Variants in DOCK4 observed in about 807,000 individuals in gnomAD.
The protein encoded by DOCK4 is dedicator of cytokinesis protein 4.
Under a neutral mutation model 268.1 loss-of-function variants are expected in DOCK4, and 97 were observed. That is an observed-to-expected ratio of 0.36 (90% CI 0.31 to 0.43). DOCK4 has a LOEUF of 0.43. DOCK4 is among the 20% of genes least tolerant of loss of function. The pLI is 1.00. For missense variants in DOCK4, 2,145 were observed against 2,455.7 expected, an observed-to-expected ratio of 0.87 and a Z score of 2.67; for synonymous variants, 954 against 887.2, an observed-to-expected ratio of 1.08 and a Z score of -1.34.
intron 37 of DOCK4, among the ~76,000 whole-genome samples, chr7:111,768,516 T>C (rs911212963): frequency 2.6e-5 from 4 of 152,324 alleles, no homozygotes; most frequent in African/African-American, 7.2e-5. Flanking sequence ...GAAGATAAAT[T>C]TGAGTCTAAG....
At chr7:111,865,755 T>G (rs895889240) in intron 22 of DOCK4, among the ~76,000 whole-genome samples, 2 of 152,224 alleles carry the variant, frequency 1.3e-5, no homozygotes, top group African/African-American at 4.8e-5. Context: ...GCAGGAGAAG[T>G]AGTCAGAGAG....
chr7:112,009,892 C>T (rs1447616041), intron 1 of DOCK4, among the ~76,000 whole-genome samples: 2 of 152,244 alleles, frequency 1.3e-5, no homozygotes, highest in Non-Finnish European at 1.5e-5. Flanking sequence ...ACTCAGCTCA[C>T]TGAAACCTCC....
At chr7:111,798,500 T>A (rs1273851184) in intron 30 of DOCK4, among the ~76,000 whole-genome samples, 2 of 152,246 alleles carry the variant, frequency 1.3e-5, no homozygotes, top group South Asian at 4.1e-4. Context: ...TCAACCTTGG[T>A]TGCAGTTAAA....
chr7:112,147,618 A>G (rs1424764846), intron 1 of DOCK4, among the ~76,000 whole-genome samples: 1 of 152,096 alleles, frequency 6.6e-6, no homozygotes, highest in Non-Finnish European at 1.5e-5. Context: ...TGTGTTCAGT[A>G]TAAAATCTAG....
At chr7:111,755,652 T>C (rs1439511827) in intron 41 of DOCK4, 51 bp from the exon 42 acceptor site, 1 of 1,531,302 alleles carries the variant, frequency 6.5e-7, no homozygotes, top group Non-Finnish European at 9.0e-7. Flanking sequence ...TCTTTCTAGC[T>C]ACTTCCATGA....
At chr7:112,004,650 T>C (rs1377564848) in intron 1 of DOCK4, among the ~76,000 whole-genome samples, 1 of 152,188 alleles carries the variant, frequency 6.6e-6, no homozygotes, top group Non-Finnish European at 1.5e-5. Flanking sequence ...TTGCTTACCA[T>C]TACGTGCCCA....
At chr7:111,772,092 G>C (rs1236655264) in intron 36 of DOCK4, among the ~76,000 whole-genome samples, 1 of 152,214 alleles carries the variant, frequency 6.6e-6, no homozygotes. Flanking sequence ...GTTGTTGCCA[G>C]GGGTAAGAGG....
rs192414820 is a variant in DOCK4, at chr7:111,989,291, C to T, written c.316-128G>A. On this transcript the variant is annotated intron_variant, in intron 5 of 52. Transcript: ENST00000428084. ...GTGCTTGCCACTCTGGACAGATGTC[C>T]GTGAACAGACAAACTGTTCGCTCAC... 2.5e-4 allele frequency: 302 copies of T among 1,228,344 alleles called. 1 individual carries two copies. The Middle Eastern group carries it at 2.5e-3, about 10-fold the overall frequency. The allele number at this position is 1,228,344 out of a possible 1,614,324, so 76.1% of individuals were successfully genotyped here.
At chr7:111,988,964 C>A in intron 6 of DOCK4, 51 bp downstream of exon 6, 1 of 1,563,930 alleles carries the variant, frequency 6.4e-7, no homozygotes. Context: ...GCCTATGTCA[C>A]TTCCATTGTG....
chr7:111,995,433 G>GTGTGTGTGTT (rs1554406554), intron 4 of DOCK4, among the ~76,000 whole-genome samples: 19 of 90,492 alleles, frequency 2.1e-4, no homozygotes, highest in African/African-American at 1.0e-3. Context: ...GTGTGTGTGT[G>GTGTGTGTGTT]TGTGTGTGTG....
At chr7:111,896,049 A>G (rs1437592480) in intron 15 of DOCK4, among the ~76,000 whole-genome samples, 1 of 152,204 alleles carries the variant, frequency 6.6e-6, no homozygotes, top group East Asian at 1.9e-4. Flanking sequence ...TATTGTTTCA[A>G]AGAGTGCTAG....
At chr7:112,113,551 G>T (rs1221182562) in intron 1 of DOCK4, among the ~76,000 whole-genome samples, 2 of 151,708 alleles carry the variant, frequency 1.3e-5, no homozygotes, top group Non-Finnish European at 2.9e-5. Flanking sequence ...ATTCAATAAA[G>T]AATTTTTTAA....
intron 32 of DOCK4, among the ~76,000 whole-genome samples, chr7:111,786,449 C>A (rs1799172529): frequency 1.3e-5 from 2 of 152,098 alleles, no homozygotes; most frequent in Admixed American, 6.5e-5. Flanking sequence ...TCTAGAATTT[C>A]AGTGTTATCA....
chr7:111,760,077 G>T, intron 40 of DOCK4, 104 bp downstream of exon 40: 1 of 1,393,848 alleles, frequency 7.2e-7, no homozygotes, highest in Non-Finnish European at 1.0e-6. Flanking sequence ...GTAACGATGT[G>T]GCTATTGAAA....
chr7:112,101,252 C>T (rs1260504701), intron 1 of DOCK4, among the ~76,000 whole-genome samples: 1 of 152,212 alleles, frequency 6.6e-6, no homozygotes, highest in Non-Finnish European at 1.5e-5. Context: ...TAAGGTCATG[C>T]TGATTTACTA....
rs569882853 is a variant in DOCK4, at chr7:112,135,232, T to C, written c.37+70870A>G. Among the ~76,000 whole-genome samples, 17 of 152,308 alleles carry C rather than the reference T, an allele frequency of 1.1e-4. No homozygotes were observed. The East Asian group carries it at 3.1e-3, about 28-fold the overall frequency. On this transcript the variant is annotated intron_variant, in intron 1 of 52. Transcript: ENST00000428084. ...AATATGATTAAGGCTTATTGATAAA[T>C]ATAGATTGAATTTTAAGTCATTTTA... is the stretch of plus-strand genomic sequence containing the variant.
intron 1 of DOCK4, among the ~76,000 whole-genome samples, chr7:112,084,317 A>C (rs1376962081): frequency 6.6e-6 from 1 of 152,190 alleles, no homozygotes; most frequent in Non-Finnish European, 1.5e-5. Context: ...TCCGCTTAAA[A>C]CCATTACATT....
intron 1 of DOCK4, among the ~76,000 whole-genome samples, chr7:112,050,191 C>T (rs1184012073): frequency 2.0e-5 from 3 of 152,098 alleles, no homozygotes; most frequent in Non-Finnish European, 4.4e-5. Flanking sequence ...GCACTTTCCC[C>T]CAGAATTTAA....
intron 2 of DOCK4, among the ~76,000 whole-genome samples, chr7:112,000,759 A>G (rs1379551239): frequency 6.6e-6 from 1 of 152,218 alleles, no homozygotes; most frequent in Non-Finnish European, 1.5e-5. Flanking sequence ...AAATTTTTAT[A>G]AACAACAGAA....
Sources: allele counts gnomAD v4.1 joint callset (sites outside exome capture counted in the v4.1 genomes callset), GRCh38; gene constraint gnomAD v4.1.1; transcripts MANE v1.5; gene names NCBI Gene and HGNC (gene_info 2026-07-23, HGNC 2026-07-21).